Variants in CD164 observed in about 807,000 individuals in gnomAD.
CD164 encodes CD164 molecule.
A neutral mutation model predicts 24.6 loss-of-function variants in CD164; 11 were observed. That is an observed-to-expected ratio of 0.45 (90% CI 0.28 to 0.74). The LOEUF (loss-of-function observed/expected upper bound fraction) is 0.74. Ranked by LOEUF, CD164 falls within the 30% of genes least tolerant of loss-of-function variation. The pLI is 0.13. For missense variants in CD164, 295 were observed against 243.7 expected (o/e 1.21, Z -1.40); for synonymous variants, 126 against 100.3 (o/e 1.26, Z -1.53).
In CD164 at chr6:109,367,162, G is replaced by A. The variant is rs1189400688; in HGVS notation, c.*1689C>T. The A allele has an allele frequency of 6.6e-6, 1 of 152,490 alleles. No individual in the cohort carries two copies. The highest frequency in any genetic ancestry group is 2.4e-5 in the African/African-American group (1 of 41,420). The allele number at this position is 152,490 out of a possible 1,614,324, so 9.4% of individuals were successfully genotyped here. ...GTGAGGTAAACCGACCTTTCCCCAA[G>A]AAACTTTGAAGCCAGAGATTTTAAA... On this transcript the variant is annotated 3_prime_UTR_variant, in exon 6 of 6. Coordinates refer to ENST00000310786, the MANE Select transcript of CD164 (RefSeq NM_006016.6).
At chr6:109,378,366 G>C (rs945611617) in intron 2 of CD164, among the ~76,000 whole-genome samples, 1 of 151,936 alleles carries the variant, frequency 6.6e-6, no homozygotes, top group African/African-American at 2.4e-5. Flanking sequence ...AAGATCACCT[G>C]AGGTCAGGAG....
At chr6:109,378,918 G>C (rs563785202) in intron 2 of CD164, among the ~76,000 whole-genome samples, 1 of 150,556 alleles carries the variant, frequency 6.6e-6, no homozygotes, top group South Asian at 2.1e-4. Context: ...CAACTAGATT[G>C]TTTTACTGAT....
At chr6:109,375,316 C>T (rs1454528908) in intron 4 of CD164, among the ~76,000 whole-genome samples, 2 of 151,878 alleles carry the variant, frequency 1.3e-5, no homozygotes, top group Non-Finnish European at 2.9e-5. Context: ...ATAATGCTTA[C>T]ATTAAGAGAG....
chr6:109,380,964 A>C (rs1326416963), intron 1 of CD164, among the ~76,000 whole-genome samples: 1 of 152,226 alleles, frequency 6.6e-6, no homozygotes, highest in Non-Finnish European at 1.5e-5. Context: ...TTAAACTAAA[A>C]ACAAAACATT....
At chr6:109,373,706 ACCT>A (rs1300028648) in intron 4 of CD164, among the ~76,000 whole-genome samples, 1 of 152,060 alleles carries the variant, frequency 6.6e-6, no homozygotes, top group African/African-American at 2.4e-5. Flanking sequence ...TTCTCCAAAC[ACCT>A]CTGGTTTCAG....
At chr6:109,376,138 C>G (rs1267498661) in intron 3 of CD164, 26 bp from the exon 4 acceptor site, 13 of 1,525,594 alleles carry the variant, frequency 8.5e-6, no homozygotes, top group Non-Finnish European at 1.1e-5. Context: ...AAAAGAAAAA[C>G]CATATACATC....
rs1237337196 is a variant in CD164 at position 109,382,448 on chromosome 6, G to A, written c.-70C>T. The A allele has an allele frequency of 2.2e-6, 3 of 1,359,124 alleles. No homozygotes were observed. Among genetic ancestry groups the A allele is most frequent in the African/African-American group, 3.0e-5 (2 of 66,656 alleles). The allele number at this position is 1,359,124 out of a possible 1,614,324, so 84.2% of individuals were successfully genotyped here. A position where few individuals can be genotyped will look rare whatever the true frequency, so the allele number is the denominator to read the frequency against. On this transcript the variant is annotated 5_prime_UTR_variant, in exon 1 of 6. Transcript: ENST00000310786. ...CGCTCAGTCAACCCCTCAATCCCCT[G>A]CGGCGCCGCCTCCGAGACTACGCTC... is the stretch of plus-strand genomic sequence containing the variant.
At chr6:109,379,501 A>AT in intron 2 of CD164, 78 bp downstream of exon 2, 4 of 1,070,628 alleles carry the variant, frequency 3.7e-6, no homozygotes, top group East Asian at 2.4e-5. Flanking sequence ...AATGTCCTAC[A>AT]TAACTTTCAA....
intron 1 of CD164, chr6:109,381,542 G>A (rs1280418208): frequency 4.3e-6 from 3 of 702,514 alleles, no homozygotes; most frequent in Non-Finnish European, 7.8e-6. Context: ...CAAAACACCC[G>A]GTACATACAT....
In CD164 at chr6:109,368,015, C is replaced by G. The variant is rs907217931; in HGVS notation, c.*836G>C. ...AAGGCTTTCAATTCTGTATAACAGA[C>G]TTTAGCTTAAGTTTCTCCGCTCTGA... On this transcript the variant is annotated 3_prime_UTR_variant, in exon 6 of 6. Transcript: ENST00000310786. 1.7e-5 allele frequency: 5 copies of G among 286,638 alleles called. No individual in the cohort carries two copies. The highest frequency in any genetic ancestry group is 2.6e-5 in the Non-Finnish European group (4 of 154,858). 17.8% of individuals were successfully genotyped at this position (286,638 alleles called of 1,614,324 possible). A position where few individuals can be genotyped will look rare whatever the true frequency, so the allele number is the denominator to read the frequency against.
At chr6:109,379,429 C>T in intron 2 of CD164, 150 bp downstream of exon 2, 5 of 524,078 alleles carry the variant, frequency 9.5e-6, no homozygotes, top group South Asian at 7.4e-5. Flanking sequence ...AGGGGGAGTG[C>T]GAGGCAACTG....
At chr6:109,376,010 C>T (rs987534282) in intron 4 of CD164, 64 bp downstream of exon 4, 87 of 1,211,198 alleles carry the variant, frequency 7.2e-5, no homozygotes, top group Non-Finnish European at 9.7e-5. Flanking sequence ...TTATTTAAAA[C>T]TAATCCATCA....
rs1225821654 is a variant in CD164 at position 109,382,415 on chromosome 6, G to A, written c.-37C>T. 21 of 1,471,210 alleles carry A rather than the reference G, an allele frequency of 1.4e-5. No homozygotes were observed. Among genetic ancestry groups the A allele is most frequent in the African/African-American group, 4.3e-5 (3 of 70,106 alleles). The allele number at this position is 1,471,210 out of a possible 1,614,324, so 91.1% of individuals were successfully genotyped here. A position where few individuals can be genotyped will look rare whatever the true frequency, so the allele number is the denominator to read the frequency against. On this transcript the variant is annotated 5_prime_UTR_variant, in exon 1 of 6. Transcript: ENST00000310786. ...CGCTGGCGTTCGGGAGAAAGCTAAG[G>A]CTCGCAACGCTCAGTCAACCCCTCA... is the stretch of plus-strand genomic sequence containing the variant.
intron 4 of CD164, among the ~76,000 whole-genome samples, chr6:109,374,844 T>C (rs1312854475): frequency 6.6e-6 from 1 of 152,182 alleles, no homozygotes; most frequent in African/African-American, 2.4e-5. Flanking sequence ...GCAGTTTCAC[T>C]ACCAAGCTAT....
Position 109,382,268 on chromosome 6 carries a change from C to A in CD164, c.111G>T (p.Ala37=). The A allele has an allele frequency of 6.3e-7, 1 of 1,589,942 alleles. No individual in the cohort carries two copies. Among genetic ancestry groups the A allele is most frequent in the Non-Finnish European group, 8.5e-7 (1 of 1,170,692 alleles). ...TTQHPNVTTL[A]PISNVTSAPV... is the part of the protein sequence containing the mutation. Reference sequence around the variant, plus strand: ...GCGCCGAGGTTACGTTGGAGATGGGCGCTAAAGTCGTCACGTTCGGGTGCT... The same window carrying A: ...GCGCCGAGGTTACGTTGGAGATGGGAGCTAAAGTCGTCACGTTCGGGTGCT... Residue 37 remains alanine (A), a synonymous_variant, in exon 1 of 6, where the codon GCG becomes GCT. Transcript: ENST00000310786.
rs774921019 is a variant in CD164 at position 109,370,453 on chromosome 6, G to A, written c.385C>T (p.Gln129Ter). 6.2e-7 allele frequency: 1 copy of A among 1,612,678 alleles called. No homozygotes were observed. Among genetic ancestry groups the A allele is most frequent in the Non-Finnish European group, 8.5e-7 (1 of 1,179,296 alleles). Residue 129 changes from glutamine (Q) to a stop codon, truncating the protein, a stop_gained, in exon 5 of 6, where the codon CAG (glutamine) becomes TAG (stop). Coordinates refer to ENST00000310786, the MANE Select transcript of CD164 (RefSeq NM_006016.6). LOFTEE classifies it high-confidence loss of function. ...TANSTAKPTV[Q>*]PSPSTTSKTV... Reference sequence around the variant, plus strand: ...TTGGAAGTTGTAGAAGGGGAGGGCTGAACTGTGGGTTTAGCTGGAATGAAA... The same window carrying A: ...TTGGAAGTTGTAGAAGGGGAGGGCTAAACTGTGGGTTTAGCTGGAATGAAA...
In CD164 at chr6:109,368,970, A is replaced by G. The variant is rs1475147733; in HGVS notation, c.475T>C (p.Ser159Pro). ...VTPTSQPVRK[S>P]TFDAASFIGG... ...ATGAAACTGGCTGCATCAAAGGTAGACTTTCGCACAGGTTGTGAGGTTGGA... is the reference window on the plus strand; with the variant it reads ...ATGAAACTGGCTGCATCAAAGGTAGGCTTTCGCACAGGTTGTGAGGTTGGA... Residue 159 changes from serine to proline, a missense_variant, in exon 6 of 6, where the codon TCT becomes CCT. Ser to Pro is a moderately conservative substitution (Grantham distance 74). Coordinates refer to ENST00000310786, the MANE Select transcript of CD164 (RefSeq NM_006016.6). The G allele has an allele frequency of 6.2e-7, 1 of 1,613,934 alleles. No individual in the cohort carries two copies.
intron 1 of CD164, chr6:109,381,736 T>A: frequency 1.7e-6 from 1 of 589,334 alleles, no homozygotes; most frequent in Non-Finnish European, 3.0e-6. Context: ...TTTCCCGGAC[T>A]TCCGGAGAAG....
intron 1 of CD164, among the ~76,000 whole-genome samples, chr6:109,380,808 C>G (rs554565855): frequency 1.3e-5 from 2 of 152,324 alleles, no homozygotes; most frequent in Non-Finnish European, 2.9e-5. Flanking sequence ...CTCTTACACA[C>G]ACACTACAAT....
Sources: gnomAD v4.1 joint callset for allele counts (sites outside exome capture counted in the v4.1 genomes callset) on GRCh38, gnomAD v4.1.1 for gene constraint, MANE v1.5 for transcripts, NCBI Gene and HGNC (gene_info 2026-07-23, HGNC 2026-07-21) for gene names.